The following DMAC2 variants were observed in gnomAD, a reference collection of about 807,000 sequenced individuals.
DMAC2 encodes distal membrane-arm assembly complex protein 2.
Under a neutral mutation model 29.6 loss-of-function variants are expected in DMAC2, and 32 were observed. The observed-to-expected ratio is 1.08, with a 90% CI of 0.81 to 1.45. The LOEUF is 1.45. DMAC2 is among the 40% of genes most tolerant of loss of function. DMAC2 has a pLI of 0.00. For missense variants in DMAC2, 319 were observed against 340.0 expected, an observed-to-expected ratio of 0.94 and a Z score of 0.49; for synonymous variants, 133 against 137.4, an observed-to-expected ratio of 0.97 and a Z score of 0.23.
In DMAC2 at chr19:41,437,422, G is replaced by A. The variant is rs150128297; in HGVS notation, c.215+796C>T. On this transcript the variant is annotated intron_variant, in intron 2 of 5. Coordinates refer to ENST00000221943, the MANE Select transcript of DMAC2 (RefSeq NM_018035.3). ...AACAAAACAAAACAAATTTTGGCGG[G>A]GTGTGGTGGCTCATGCCTGTAATCC... 8.1e-3 allele frequency among the ~76,000 whole-genome samples: 1,239 copies of A among 152,058 alleles called. 18 individuals carry two copies. Among genetic ancestry groups the A allele is most frequent in the African/African-American group, 0.028 (1,156 of 41,452 alleles).
At chr19:41,432,879 T>C (rs531553059) in intron 5 of DMAC2, 40 of 519,704 alleles carry the variant, frequency 7.7e-5, no homozygotes, top group Middle Eastern at 5.0e-4. Context: ...CGTGTGTGTG[T>C]GTGCGTGCGT....
chr19:41,432,227 A>C lies in DMAC2; in HGVS notation c.*4T>G. 1 of 1,613,042 alleles carries C rather than the reference A, an allele frequency of 6.2e-7. No homozygotes were observed. ...AGCCACGTGAGTGGGGACAGGGCTA[A>C]AGGCTAGGCAGGGACAGGGCTGGCT... On this transcript the variant is annotated 3_prime_UTR_variant, in exon 6 of 6. Coordinates refer to ENST00000221943, the MANE Select transcript of DMAC2 (RefSeq NM_018035.3).
intron 2 of DMAC2, 93 bp from the exon 3 acceptor site, chr19:41,436,565 A>C (rs562885407): frequency 5.1e-6 from 5 of 987,948 alleles, no homozygotes; most frequent in African/African-American, 1.6e-5. Context: ...AGTCCAGAGA[A>C]CCAGGCACAC....
chr19:41,437,700 GA>G (rs1162579425), intron 2 of DMAC2, among the ~76,000 whole-genome samples: 4,727 of 124,370 alleles, frequency 0.038, 212 homozygotes, highest in African/African-American at 0.13. Flanking sequence ...CTCCATCTCA[GA>G]AAAAAAAAAA....
chr19:41,436,377 C>T lies in DMAC2; in HGVS notation c.296+15G>A. ...CCACCTGCCCCAGCCCGTTCTAACA[C>T]CTTAGCGGTCATACTTGACTGCGCC... On this transcript the variant is annotated intron_variant, in intron 3 of 5. Transcript: ENST00000221943. The T allele has an allele frequency of 6.2e-7, 1 of 1,613,228 alleles. No individual in the cohort carries two copies. Among genetic ancestry groups the T allele is most frequent in the South Asian group, 1.1e-5 (1 of 91,070 alleles).
intron 5 of DMAC2, chr19:41,432,617 CAT>C (rs1491375109): frequency 1.7e-4 from 69 of 404,978 alleles, no homozygotes; most frequent in South Asian, 3.4e-4. Flanking sequence ...GTAAGGACAG[CAT>C]GTGTGTGTGT....
intron 5 of DMAC2, 186 bp downstream of exon 5, chr19:41,433,079 GAAAACCA>G: frequency 1.6e-6 from 1 of 640,858 alleles, no homozygotes; most frequent in Non-Finnish European, 2.5e-6. Context: ...CAAAAAGGAA[GAAAACCA>G]GGAGTCATTT....
intron 5 of DMAC2, chr19:41,432,770 A>G: frequency 2.5e-6 from 1 of 392,830 alleles, no homozygotes; most frequent in Non-Finnish European, 4.4e-6. Flanking sequence ...GTAGGGAGGT[A>G]CAGGACAGCG....
chr19:41,436,427 A>C lies in DMAC2; in HGVS notation c.261T>G (p.Gly87=), dbSNP rs1555771186. The C allele has an allele frequency of 6.2e-7, 1 of 1,614,136 alleles. No individual in the cohort carries two copies. Among genetic ancestry groups the C allele is most frequent in the Non-Finnish European group, 8.5e-7 (1 of 1,180,028 alleles). ...LEKQHGPYGA[G]AFFILKQGGA... is the part of the protein sequence containing the mutation. ...CTCCCTGCTTCAGGATGAAAAAGGC[A>C]CCTGCGCCGTATGGACCATGTTGCT... The change falls in exon 3 of 6, where the codon GGT becomes GGG. Residue 87 remains glycine (G), a synonymous_variant. Coordinates refer to ENST00000221943, the MANE Select transcript of DMAC2 (RefSeq NM_018035.3).
At position 41,432,500 on chromosome 19, in the gene DMAC2, G is replaced by T. The variant is rs561041605; in HGVS notation, c.597-92C>A. 614 of 1,293,088 alleles carry T rather than the reference G, an allele frequency of 4.7e-4. 1 individual carries two copies. The African/African-American group carries it at 8.0e-3, about 17-fold the overall frequency. The allele number at this position is 1,293,088 out of a possible 1,614,324, so 80.1% of individuals were successfully genotyped here. ...CAGGACAGCGTGTGCGTGTGTGTGT[G>T]TGTATAGGCAGGTAAGCCAGTGTAA... On this transcript the variant is annotated intron_variant, in intron 5 of 5. Transcript: ENST00000221943.
rs782664653 is a variant in DMAC2 at position 41,438,353 on chromosome 19, G to A, written c.80C>T (p.Ala27Val). ...CTGATTGCCCTCTGGGGCCACTGCC[G>A]CACCCAGGCGATGGATGCCCCTGAT... ...GRIRGIHRLG[A>V]AVAPEGNQKK... Residue 27 changes from alanine to valine, a missense_variant, in exon 2 of 6, where the codon GCG (alanine) becomes GTG (valine). Coordinates refer to ENST00000221943, the MANE Select transcript of DMAC2 (RefSeq NM_018035.3). The A allele has an allele frequency of 3.1e-5, 50 of 1,614,080 alleles. 1 individual carries two copies. The highest frequency in any genetic ancestry group is 6.7e-5 in the East Asian group (3 of 44,892).
intron 2 of DMAC2, among the ~76,000 whole-genome samples, chr19:41,436,777 C>T (rs2039885332): frequency 6.6e-6 from 1 of 152,122 alleles, no homozygotes; most frequent in Non-Finnish European, 1.5e-5. Context: ...CATGACCAAA[C>T]AAAGCAGAGA....
chr19:41,439,608 G>C (rs1186159602), intron 1 of DMAC2: 1 of 1,496,728 alleles, frequency 6.7e-7, no homozygotes, highest in African/African-American at 1.4e-5. Flanking sequence ...GGTTAGTCGC[G>C]TCGCTCTTCG....
Position 41,433,443 on chromosome 19 carries a change from G to T in DMAC2, c.434-9C>A. On this transcript the variant is annotated splice_polypyrimidine_tract_variant and intron_variant, in intron 4 of 5. Transcript: ENST00000221943. ...GAGCTCCTTCAGGCGGACTGCGGTG[G>T]GGAGAGGGTGGGATGGCACCAGGAG... 6.2e-7 allele frequency: 1 copy of T among 1,613,062 alleles called. No individual in the cohort carries two copies.
chr19:41,439,899 TCTTGCTAAGGTTTCGTAA>T (rs1555772577), exon 1 of DMAC2: 4 of 1,614,100 alleles, frequency 2.5e-6, no homozygotes, highest in Admixed American at 1.7e-5. Context: ...GGAGCCGCCA[TCTTGCTAAGGTTTCGTAA>T]CCGGAAGGGG....
At chr19:41,433,971 C>T (rs11879294) in intron 3 of DMAC2, among the ~76,000 whole-genome samples, 2 of 152,048 alleles carry the variant, frequency 1.3e-5, no homozygotes, top group African/African-American at 2.4e-5. Flanking sequence ...CGGTGGCTCA[C>T]GCCTGTAATC....
At chr19:41,432,706 C>CGTGTGTGTGTGTGTGTGT (rs72065187) in intron 5 of DMAC2, 45 of 209,082 alleles carry the variant, frequency 2.2e-4, no homozygotes, top group African/African-American at 1.8e-3. Flanking sequence ...ATAAGGACAG[C>CGTGTGTGTGTGTGTGTGT]GTGTGTGTGT....
intron 3 of DMAC2, 80 bp downstream of exon 3, chr19:41,436,312 C>T: frequency 7.8e-7 from 1 of 1,274,618 alleles, no homozygotes; most frequent in Non-Finnish European, 1.1e-6. Flanking sequence ...ACTCTGAAGC[C>T]TGTGTGACTG....
chr19:41,439,478 A>C, intron 1 of DMAC2: 1 of 1,536,808 alleles, frequency 6.5e-7, no homozygotes, highest in African/African-American at 1.4e-5. Context: ...CCTTACATTC[A>C]TCCTTCGGTC....
Sources: allele counts gnomAD v4.1 joint callset (sites outside exome capture counted in the v4.1 genomes callset), GRCh38; gene constraint gnomAD v4.1.1; transcripts MANE v1.5; gene names NCBI Gene and HGNC (gene_info 2026-07-23, HGNC 2026-07-21).